ALMS1: variants seen among roughly 807,000 people sequenced by gnomAD.
The protein encoded by ALMS1 is ALMS1 centrosome and basal body associated protein.
A neutral mutation model predicts 352.2 loss-of-function variants in ALMS1; 271 were observed. The ratio of observed to expected loss-of-function variants is 0.77; its 90% CI spans 0.70 to 0.85. ALMS1 has a LOEUF of 0.85. Ranked by LOEUF, ALMS1 falls within the 40% of genes least tolerant of loss-of-function variation. The probability of loss-of-function intolerance (pLI) is 0.00; values close to 1 mark genes in which losing one functional copy is unlikely to be tolerated. For synonymous variants in ALMS1, 1,865 were observed against 1,761.2 expected (o/e 1.06, Z -1.48); for missense variants, 5,445 against 4,870.7 (o/e 1.12, Z -3.51).
chr2:73,462,971 C>T (rs927436064), intron 9 of ALMS1, among the ~76,000 whole-genome samples: 3 of 152,114 alleles, frequency 2.0e-5, no homozygotes, highest in Non-Finnish European at 2.9e-5. Context: ...TCCTTAGTGA[C>T]CTACAAAGAG....
intron 12 of ALMS1, among the ~76,000 whole-genome samples, chr2:73,543,956 G>A (rs1674254822): frequency 6.6e-6 from 1 of 152,168 alleles, no homozygotes; most frequent in African/African-American, 2.4e-5. Context: ...AGTCAGTGTG[G>A]CGATTCCTCA....
chr2:73,548,756 G>C (rs997191229), intron 12 of ALMS1, among the ~76,000 whole-genome samples: 1 of 152,176 alleles, frequency 6.6e-6, no homozygotes, highest in Non-Finnish European at 1.5e-5. Context: ...ATGCTCAGAA[G>C]AAAGGTACTC....
In ALMS1 at chr2:73,492,397, T is replaced by A. The variant is rs139983612; in HGVS notation, c.9539+899T>A. Among the ~76,000 whole-genome samples, 380 of 152,344 alleles carry A rather than the reference T, an allele frequency of 2.5e-3. 4 individuals carry two copies. The highest frequency in any genetic ancestry group is 8.8e-3 in the African/African-American group (366 of 41,586). The stretch of plus-strand genomic sequence containing the variant: ...TGATCCTATGAAGCAGGTGATGATA[T>A]CTCTATTTTCCTACTGGGAAATCTT... On this transcript the variant is annotated intron_variant, in intron 10 of 22. Coordinates refer to ENST00000613296, the MANE Select transcript of ALMS1 (RefSeq NM_001378454.1).
intron 19 of ALMS1, among the ~76,000 whole-genome samples, chr2:73,601,925 T>C (rs1175316765): frequency 1.3e-5 from 2 of 152,266 alleles, no homozygotes; most frequent in African/African-American, 2.4e-5. Flanking sequence ...TGTATTGCAC[T>C]GACATTTCAA....
At chr2:73,497,793 A>G (rs1673140009) in intron 10 of ALMS1, among the ~76,000 whole-genome samples, 1 of 152,062 alleles carries the variant, frequency 6.6e-6, no homozygotes, top group Non-Finnish European at 1.5e-5. Flanking sequence ...TCATTGGTTG[A>G]TGGGCATTTA....
chr2:73,561,047 G>A (rs1013823759), intron 15 of ALMS1, among the ~76,000 whole-genome samples: 2 of 152,224 alleles, frequency 1.3e-5, no homozygotes, highest in Non-Finnish European at 2.9e-5. Context: ...CGGGAATACA[G>A]AAGCAGGACA....
At chr2:73,465,046 A>G (rs1193786211) in intron 9 of ALMS1, among the ~76,000 whole-genome samples, 2 of 152,208 alleles carry the variant, frequency 1.3e-5, no homozygotes, top group Non-Finnish European at 2.9e-5. Flanking sequence ...ATTCAATGCC[A>G]TCCCCATCAA....
intron 9 of ALMS1, among the ~76,000 whole-genome samples, chr2:73,472,688 T>A (rs1672492846): frequency 6.6e-6 from 1 of 152,078 alleles, no homozygotes; most frequent in African/African-American, 2.4e-5. Flanking sequence ...CTACCATTCC[T>A]TGTGCCTAGA....
intron 12 of ALMS1, among the ~76,000 whole-genome samples, chr2:73,548,280 T>G (rs1184906798): frequency 6.6e-6 from 1 of 152,122 alleles, no homozygotes; most frequent in African/African-American, 2.4e-5. Context: ...TTAGTTAGAG[T>G]TCTGGAGCAA....
At chr2:73,394,408 G>A (rs1670711249) in intron 1 of ALMS1, among the ~76,000 whole-genome samples, 1 of 152,152 alleles carries the variant, frequency 6.6e-6, no homozygotes, top group Non-Finnish European at 1.5e-5. Flanking sequence ...CTGGAGTGCA[G>A]TGGTGCAATC....
Position 73,573,217 on chromosome 2 carries a change from C to A in ALMS1, c.11340C>A (p.Ser3780Arg), listed in dbSNP as rs2104107651. ...AGGTGGCTCTGCACGAAAGGAGTAG[C>A]TCTGTTTCCACTATTGACACTGCCC... ...DREVALHERS[S>R]SVSTIDTARL... The change falls in exon 16 of 23, where the codon AGC becomes AGA. Residue 3780 changes from serine to arginine, a missense_variant. Ser to Arg is a moderately radical substitution (Grantham distance 110). Transcript: ENST00000613296. The A allele has an allele frequency of 6.2e-7, 1 of 1,613,058 alleles. No homozygotes were observed.
chr2:73,554,654 A>G (rs1674506489), intron 13 of ALMS1, among the ~76,000 whole-genome samples: 1 of 152,128 alleles, frequency 6.6e-6, no homozygotes, highest in African/African-American at 2.4e-5. Flanking sequence ...CGGAGCTTGC[A>G]GTGAGCCAAG....
In ALMS1 at chr2:73,559,161, G is replaced by A. The variant is rs2104064440; in HGVS notation, c.10384+19G>A. The A allele has an allele frequency of 2.5e-6, 4 of 1,608,876 alleles. No individual in the cohort carries two copies. Among genetic ancestry groups the A allele is most frequent in the East Asian group, 4.5e-5 (2 of 44,662 alleles). On this transcript the variant is annotated intron_variant, in intron 15 of 22. Coordinates refer to ENST00000613296, the MANE Select transcript of ALMS1 (RefSeq NM_001378454.1). ...ATTGAAGGTAATGGGATTGGGTTGT[G>A]TATGAGTGTGTGTGTCTTTGTGTGT...
At chr2:73,603,370 T>G in intron 21 of ALMS1, 66 bp downstream of exon 21, 94 of 1,409,714 alleles carry the variant, frequency 6.7e-5, no homozygotes, top group Non-Finnish European at 8.8e-5. Flanking sequence ...TCGGGAGCTC[T>G]GGCTTGCACC....
At position 73,599,536 on chromosome 2, in the gene ALMS1, CT is replaced by C; in HGVS notation, c.11668+16del. ...CATACAAGCAGGTAATTACTTGAATCTAAACTTTTTCATTGAAATACATTGA... is the reference window on the plus strand; with the variant it reads ...CATACAAGCAGGTAATTACTTGAATCAAACTTTTTCATTGAAATACATTGA... On this transcript the variant is annotated intron_variant, in intron 17 of 22. Coordinates refer to ENST00000613296, the MANE Select transcript of ALMS1 (RefSeq NM_001378454.1). The C allele has an allele frequency of 6.2e-7, 1 of 1,612,616 alleles. No individual in the cohort carries two copies. The highest frequency in any genetic ancestry group is 1.1e-5 in the South Asian group (1 of 91,026).
chr2:73,608,479 T>G lies in ALMS1; in HGVS notation c.12367T>G (p.Tyr4123Asp), dbSNP rs963466695. 6.2e-7 allele frequency: 1 copy of G among 1,613,264 alleles called. No individual in the cohort carries two copies. Among genetic ancestry groups the G allele is most frequent in the Non-Finnish European group, 8.5e-7 (1 of 1,179,510 alleles). Residue 4123 changes from tyrosine (Y) to aspartate (D), a missense_variant, in exon 22 of 23, where the codon TAT (tyrosine) becomes GAT (aspartate). Transcript: ENST00000613296. ...TTCACTGGTGCCATTTCTAAGGATT[T>G]ATGAGCAGCTTCCAGAAGTACAGAA... ...KEMIQRSKRI[Y>D]EQLPEVQKKR...
chr2:73,482,657 C>T (rs1277440559), intron 9 of ALMS1, among the ~76,000 whole-genome samples: 1 of 152,268 alleles, frequency 6.6e-6, no homozygotes, highest in East Asian at 1.9e-4. Context: ...GGAATGGTAC[C>T]AGTTCCTTCT....
chr2:73,453,377 G>A lies in ALMS1; in HGVS notation c.6850G>A (p.Ala2284Thr), dbSNP rs753477873. ...ACGATGCAATTTTCCTGCTCCCCTT[G>A]CCCGTTTCAGAGATATTAGTGATAT... ...LKRCNFPAPLARFRDISDISF... is the reference protein window; with the variant it reads ...LKRCNFPAPLTRFRDISDISF... The change falls in exon 8 of 23, where the codon GCC becomes ACC. Residue 2284 changes from alanine to threonine, a missense_variant. Physicochemically the swap from Ala to Thr is moderately conservative, Grantham distance 58 (BLOSUM62 0). Transcript: ENST00000613296. 6.2e-7 allele frequency: 1 copy of A among 1,613,788 alleles called. No homozygotes were observed. The highest frequency in any genetic ancestry group is 8.5e-7 in the Non-Finnish European group (1 of 1,179,932).
rs547333720 is a variant in ALMS1 at position 73,487,281 on chromosome 2, A to G, written c.7675-2353A>G. 3.3e-5 allele frequency among the ~76,000 whole-genome samples: 5 copies of G among 152,234 alleles called. No individual in the cohort carries two copies. In the South Asian group the frequency reaches 1.0e-3, roughly 32 times the overall value. On this transcript the variant is annotated intron_variant, in intron 9 of 22. Coordinates refer to ENST00000613296, the MANE Select transcript of ALMS1 (RefSeq NM_001378454.1). ...AGTGGTGAGGGGTGTGTGGGCAAGC[A>G]AGTGTGGGGTCTAGCCACTGTACAC...
Sources: allele counts gnomAD v4.1 joint callset (sites outside exome capture counted in the v4.1 genomes callset), GRCh38; gene constraint gnomAD v4.1.1; transcripts MANE v1.5; gene names NCBI Gene and HGNC (gene_info 2026-07-23, HGNC 2026-07-21).